The following FOSL1 variants were observed in gnomAD, a reference collection of about 807,000 sequenced individuals.
FOSL1 encodes FOS like 1, AP-1 transcription factor subunit, also known as fos-related antigen 1.
FOSL1 carries 14 observed loss-of-function variants against 24.9 expected under a neutral mutation model. The ratio of observed to expected loss-of-function variants is 0.56; its 90% CI spans 0.37 to 0.88. FOSL1 has a LOEUF of 0.88. Among genes scored for constraint, FOSL1 ranks in the 40% least tolerant of loss-of-function variants. The pLI, the probability that FOSL1 is intolerant of heterozygous loss-of-function variation, is 0.00. For missense variants in FOSL1, 318 were observed against 359.8 expected (o/e 0.88, Z 0.94); for synonymous variants, 133 against 145.1 (o/e 0.92, Z 0.60).
In FOSL1 at chr11:65,893,199, T is replaced by A; in HGVS notation, c.503A>T (p.His168Leu). Residue 168 changes from histidine (H) to leucine (L), a missense_variant, in exon 4 of 4, where the codon CAC (histidine) becomes CTC (leucine). Coordinates refer to ENST00000312562, the MANE Select transcript of FOSL1 (RefSeq NM_005438.5). ...TTCCGGGATTTTGCAGATGGGTCGG[T>A]GGGCTTCCAGCACCAGCTCTAGGCG... Reference protein sequence around the residue: ...KERLELVLEAHRPICKIPEGA... With the variant: ...KERLELVLEALRPICKIPEGA... 2 of 1,614,084 alleles carry A rather than the reference T, an allele frequency of 1.2e-6. No homozygotes were observed. The highest frequency in any genetic ancestry group is 1.7e-6 in the Non-Finnish European group (2 of 1,180,024).
In FOSL1 at chr11:65,892,297, C is replaced by T. The variant is rs1316203036; in HGVS notation, c.*589G>A. On this transcript the variant is annotated 3_prime_UTR_variant, in exon 4 of 4. Transcript: ENST00000312562. ...TCTTTAGGAAAATAAATAGCAGCTG[C>T]CCTCGCTGTGGAGGCTTGGATTCCC... The T allele has an allele frequency of 4.2e-6, 1 of 240,612 alleles. No individual in the cohort carries two copies. The highest frequency in any genetic ancestry group is 2.3e-5 in the African/African-American group (1 of 43,234). 14.9% of individuals were successfully genotyped at this position (240,612 alleles called of 1,614,324 possible). A position where few individuals can be genotyped will look rare whatever the true frequency, so the allele number is the denominator to read the frequency against.
At chr11:65,899,411 C>T (rs1860615138) in intron 1 of FOSL1, among the ~76,000 whole-genome samples, 1 of 152,240 alleles carries the variant, frequency 6.6e-6, no homozygotes, top group Non-Finnish European at 1.5e-5. Context: ...GACTCGGCCG[C>T]CGTGACTCGG....
At chr11:65,898,493 C>T (rs760934306) in intron 1 of FOSL1, among the ~76,000 whole-genome samples, 1 of 152,154 alleles carries the variant, frequency 6.6e-6, no homozygotes, top group Non-Finnish European at 1.5e-5. Context: ...CAGGCTGTCC[C>T]AATTCTAATC....
intron 1 of FOSL1, among the ~76,000 whole-genome samples, chr11:65,898,824 G>A (rs552874012): frequency 6.6e-6 from 1 of 152,152 alleles, no homozygotes; most frequent in South Asian, 2.1e-4. Flanking sequence ...GTTGGGTGTG[G>A]TGGTGCGTGC....
chr11:65,893,364 C>A, intron 3 of FOSL1, 68 bp from the exon 4 acceptor site: 2 of 1,360,850 alleles, frequency 1.5e-6, no homozygotes, highest in South Asian at 2.7e-5. Context: ...GACGTTTGGA[C>A]TCAGGGTTCT....
In FOSL1 at chr11:65,892,547, G is replaced by T. The variant is rs1031683655; in HGVS notation, c.*339C>A. The T allele has an allele frequency of 1.5e-5, 8 of 528,720 alleles. No homozygotes were observed. The highest frequency in any genetic ancestry group is 1.3e-4 in the African/African-American group (7 of 52,846). 32.8% of individuals were successfully genotyped at this position (528,720 alleles called of 1,614,324 possible). On this transcript the variant is annotated 3_prime_UTR_variant, in exon 4 of 4. Coordinates refer to ENST00000312562, the MANE Select transcript of FOSL1 (RefSeq NM_005438.5). ...GATCACAGGAAGAGGGTGATGGAGA[G>T]TGTGGCAGTGATCTGGAAGGGGTTA... is the stretch of plus-strand genomic sequence containing the variant.
intron 2 of FOSL1, among the ~76,000 whole-genome samples, chr11:65,895,689 T>C (rs1357086901): frequency 6.6e-6 from 1 of 152,198 alleles, no homozygotes; most frequent in Non-Finnish European, 1.5e-5. Context: ...CTGGCCCGCT[T>C]CTGCGGCTCA....
intron 2 of FOSL1, among the ~76,000 whole-genome samples, chr11:65,894,964 T>TCC (rs201407003): frequency 0.011 from 1,609 of 141,200 alleles, 14 homozygotes; most frequent in Middle Eastern, 0.058. Flanking sequence ...GCCTTTTTTT[T>TCC]TCTTTTTTTT....
Position 65,894,044 on chromosome 11 carries a change from C to T in FOSL1, c.375G>A (p.Arg125=), listed in dbSNP as rs750124164. 72 of 1,610,178 alleles carry T rather than the reference C, an allele frequency of 4.5e-5. No individual in the cohort carries two copies. Among genetic ancestry groups the T allele is most frequent in the Non-Finnish European group, 5.4e-5 (64 of 1,178,946 alleles). Residue 125 remains arginine, a synonymous_variant, in exon 3 of 4, where the codon CGG becomes CGA. Transcript: ENST00000312562. ...NKLAAAKCRN[R]RKELTDFLQA... is the part of the protein sequence containing the mutation. The stretch of plus-strand genomic sequence containing the variant: ...GCAGGAAGTCGGTCAGTTCCTTCCT[C>T]CGGTTCCTGCACTTGGCCGCAGCCA...
chr11:65,899,346 C>T (rs1353628514), intron 1 of FOSL1, among the ~76,000 whole-genome samples: 1 of 152,232 alleles, frequency 6.6e-6, no homozygotes, highest in Non-Finnish European at 1.5e-5. Flanking sequence ...CACTCCCGGG[C>T]CCGGGCCGCT....
In FOSL1 at chr11:65,894,006, G is replaced by T; in HGVS notation, c.405+8C>A. 6.4e-7 allele frequency: 1 copy of T among 1,562,522 alleles called. No homozygotes were observed. Among genetic ancestry groups the T allele is most frequent in the Non-Finnish European group, 8.7e-7 (1 of 1,151,458 alleles). On this transcript the variant is annotated splice_region_variant and intron_variant, in intron 3 of 3. Coordinates refer to ENST00000312562, the MANE Select transcript of FOSL1 (RefSeq NM_005438.5). ...CTCTGAGCTCGGTGGACCAGGGCTG[G>T]TGCTCACCGCCTGCAGGAAGTCGGT...
At position 65,898,707 on chromosome 11, in the gene FOSL1, C is replaced by G. The variant is rs145451938; in HGVS notation, c.99+1534G>C. ...GTGGACTAGGCATGGTGGCTCATACCCAGCACTTTGGGAGGCTGAGGTAGA... is the reference window on the plus strand; with the variant it reads ...GTGGACTAGGCATGGTGGCTCATACGCAGCACTTTGGGAGGCTGAGGTAGA... On this transcript the variant is annotated intron_variant, in intron 1 of 3. Transcript: ENST00000312562. Among the ~76,000 whole-genome samples, 75 of 152,108 alleles carry G rather than the reference C, an allele frequency of 4.9e-4. No homozygotes were observed. The East Asian group carries it at 0.012, about 24-fold the overall frequency.
chr11:65,899,462 C>A (rs1470841244), intron 1 of FOSL1, among the ~76,000 whole-genome samples: 2 of 152,250 alleles, frequency 1.3e-5, no homozygotes, highest in Non-Finnish European at 2.9e-5. Context: ...TCGACACGTG[C>A]TCGCAGCCCC....
chr11:65,893,435 A>C (rs2134790275), intron 3 of FOSL1, 139 bp from the exon 4 acceptor site: 8 of 659,944 alleles, frequency 1.2e-5, no homozygotes, highest in South Asian at 8.0e-5. Flanking sequence ...GCAAGTCTGG[A>C]CTACAACTCC....
intron 1 of FOSL1, 59 bp from the exon 2 acceptor site, chr11:65,897,065 C>T: frequency 7.7e-7 from 1 of 1,294,398 alleles, no homozygotes; most frequent in East Asian, 2.3e-5. Context: ...GGGGCTTCCA[C>T]TGGGCAGAGG....
At chr11:65,898,045 G>GTTTTTTTTT (rs71036252) in intron 1 of FOSL1, among the ~76,000 whole-genome samples, 2,658 of 101,764 alleles carry the variant, frequency 0.026, 299 homozygotes, top group African/African-American at 0.065. Flanking sequence ...TTTCTTTTCT[G>GTTTTTTTTT]TTTTTTTTTT....
chr11:65,895,386 A>G (rs2134796558), intron 2 of FOSL1, among the ~76,000 whole-genome samples: 1 of 152,236 alleles, frequency 6.6e-6, no homozygotes, highest in Middle Eastern at 3.4e-3. Flanking sequence ...GGCCTCCCAA[A>G]GTGCTGGGAT....
chr11:65,898,043 C>CCTTTTTTTT lies in FOSL1; in HGVS notation c.100-1038_100-1037insAAAAAAAAG, dbSNP rs1416098633. ...ATTTGGCTAATTTTTTTTTTCTTTT[C>CCTTTTTTTT]TGTTTTTTTTTTTTTGAGACACAGT... On this transcript the variant is annotated intron_variant, in intron 1 of 3. Transcript: ENST00000312562. Among the ~76,000 whole-genome samples, 28 of 79,628 alleles carry CCTTTTTTTT rather than the reference C, an allele frequency of 3.5e-4. 2 individuals carry two copies. The highest frequency in any genetic ancestry group is 5.2e-4 in the Admixed American group (3 of 5,808). 52.2% of individuals were successfully genotyped at this position (79,628 alleles called of 152,430 possible).
chr11:65,898,043 C>CCGTTTTTTT (rs1416098633), intron 1 of FOSL1, among the ~76,000 whole-genome samples: 43,417 of 78,470 alleles, frequency 0.55, 11,526 homozygotes, highest in South Asian at 0.62. Flanking sequence ...TTTTTCTTTT[C>CCGTTTTTTT]TGTTTTTTTT....
Sources: gnomAD v4.1 joint callset for allele counts (sites outside exome capture counted in the v4.1 genomes callset) on GRCh38, gnomAD v4.1.1 for gene constraint, MANE v1.5 for transcripts, NCBI Gene and HGNC (gene_info 2026-07-23, HGNC 2026-07-21) for gene names.